The following ADAM11 variants were observed in gnomAD, a reference collection of about 807,000 sequenced individuals.
ADAM11 encodes disintegrin and metalloproteinase domain-containing protein 11.
A neutral mutation model predicts 119.1 loss-of-function variants in ADAM11; 49 were observed. The observed-to-expected ratio is 0.41, with a 90% CI of 0.33 to 0.52. The LOEUF (loss-of-function observed/expected upper bound fraction) is 0.52, where lower values mean the gene tolerates loss of function less well. Ranked by LOEUF, ADAM11 falls within the 20% of genes least tolerant of loss-of-function variation. ADAM11 has a pLI of 0.20. For missense variants in ADAM11, 777 were observed against 1,047.5 expected (o/e 0.74, Z 3.56); for synonymous variants, 364 against 408.0 (o/e 0.89, Z 1.30).
At chr17:44,766,197 G>A (rs1183332040) in intron 2 of ADAM11, among the ~76,000 whole-genome samples, 1 of 152,180 alleles carries the variant, frequency 6.6e-6, no homozygotes, top group African/African-American at 2.4e-5. Context: ...AGGGTGGGGA[G>A]GAGAGGGAGG....
At chr17:44,767,797 A>G (rs1245106664) in intron 2 of ADAM11, among the ~76,000 whole-genome samples, 5 of 152,240 alleles carry the variant, frequency 3.3e-5, no homozygotes, top group African/African-American at 1.2e-4. Context: ...CTCTTAAGGT[A>G]TCTGGCCTTC....
chr17:44,775,746 T>G lies in ADAM11; in HGVS notation c.1485+70T>G, dbSNP rs2145238399. On this transcript the variant is annotated intron_variant, in intron 17 of 26. Coordinates refer to ENST00000200557, the MANE Select transcript of ADAM11 (RefSeq NM_002390.6). The surrounding 1 kb of genome is among the most constrained non-coding windows in gnomAD (Gnocchi z 7.5). ...CGATTGGAGGCCTTCATATAAGGGG[T>G]GGGAGCTAGGGAGGGAAGCGGAGCC... 4.2e-6 allele frequency: 6 copies of G among 1,440,054 alleles called. No homozygotes were observed. Among genetic ancestry groups the G allele is most frequent in the Non-Finnish European group, 5.6e-6 (6 of 1,068,180 alleles). The allele number at this position is 1,440,054 out of a possible 1,614,324, so 89.2% of individuals were successfully genotyped here.
chr17:44,760,512 T>C (rs777689278), intron 2 of ADAM11, among the ~76,000 whole-genome samples: 20 of 152,190 alleles, frequency 1.3e-4, no homozygotes, highest in Non-Finnish European at 2.8e-4. Context: ...AGGTTAGGCA[T>C]GAAGGAGATT....
At chr17:44,779,038 G>C (rs1453407267) in intron 25 of ADAM11, among the ~76,000 whole-genome samples, 184 bp from the exon 26 acceptor site, 2 of 152,176 alleles carry the variant, frequency 1.3e-5, no homozygotes, top group African/African-American at 2.4e-5. Flanking sequence ...AGCTGGAACC[G>C]GGACGCATTT....
In ADAM11 at chr17:44,776,212, G is replaced by A; in HGVS notation, c.1566+5G>A. On this transcript the variant is annotated splice_donor_5th_base_variant and intron_variant, in intron 18 of 26. Coordinates refer to ENST00000200557, the MANE Select transcript of ADAM11 (RefSeq NM_002390.6). This position sits in a 1 kb window ranked among gnomAD's most constrained non-coding sequence, Gnocchi z 5.2. Reference sequence around the variant, plus strand: ...TGCACCGGGGACTCTAGCCAGGTCCGCCCGGCCCCGCCGTCTTGTGGAGCC... The same window carrying A: ...TGCACCGGGGACTCTAGCCAGGTCCACCCGGCCCCGCCGTCTTGTGGAGCC... The A allele has an allele frequency of 6.2e-7, 1 of 1,613,022 alleles. No homozygotes were observed. The highest frequency in any genetic ancestry group is 1.3e-5 in the African/African-American group (1 of 74,972).
intron 2 of ADAM11, among the ~76,000 whole-genome samples, chr17:44,761,187 G>A (rs1333963275): frequency 1.3e-5 from 2 of 152,050 alleles, no homozygotes; most frequent in African/African-American, 4.8e-5. Context: ...GTTACACTGT[G>A]GGGGAACTGA....
chr17:44,770,561 G>A (rs539409950), intron 4 of ADAM11, among the ~76,000 whole-genome samples: 2 of 151,730 alleles, frequency 1.3e-5, no homozygotes, highest in African/African-American at 4.8e-5. Flanking sequence ...GAGCTGGAGC[G>A]GGAGGGTGCC....
chr17:44,774,645 A>G, intron 13 of ADAM11, 53 bp from the exon 14 acceptor site: 2 of 1,598,288 alleles, frequency 1.3e-6, no homozygotes, highest in Non-Finnish European at 1.7e-6. Flanking sequence ...GGAGGGTGAC[A>G]GTGGGAGGGG....
At chr17:44,771,964 C>A in intron 6 of ADAM11, 133 bp downstream of exon 6, 2 of 1,063,730 alleles carry the variant, frequency 1.9e-6, no homozygotes, top group South Asian at 1.6e-5. Flanking sequence ...CTTCAGTGAC[C>A]CCAGCTCTGG....
In ADAM11 at chr17:44,769,706, C is replaced by A. The variant is rs2049493494; in HGVS notation, c.238-12C>A. The A allele has an allele frequency of 1.7e-6, 2 of 1,205,708 alleles. No homozygotes were observed. The highest frequency in any genetic ancestry group is 2.5e-6 in the Non-Finnish European group (2 of 807,124). The allele number at this position is 1,205,708 out of a possible 1,614,324, so 74.7% of individuals were successfully genotyped here. A position where few individuals can be genotyped will look rare whatever the true frequency, so the allele number is the denominator to read the frequency against. On this transcript the variant is annotated splice_polypyrimidine_tract_variant and intron_variant, in intron 2 of 26. Transcript: ENST00000200557. ...CCTGGGTTGACTCCCCCTCTGCCCT[C>A]CCCCCACCCAGCCTGTCCATCTGGC...
Position 44,775,090 on chromosome 17 carries a change from C to A in ADAM11, c.1221-122C>A. On this transcript the variant is annotated intron_variant, in intron 14 of 26. Coordinates refer to ENST00000200557, the MANE Select transcript of ADAM11 (RefSeq NM_002390.6). This position sits in a 1 kb window ranked among gnomAD's most constrained non-coding sequence, Gnocchi z 7.5. Reference sequence around the variant, plus strand: ...GGAGGATTCTGGTGCAATCCCGGGGCAGATCCTCCGCCTCCTCGCGATGGT... The same window carrying A: ...GGAGGATTCTGGTGCAATCCCGGGGAAGATCCTCCGCCTCCTCGCGATGGT... The A allele has an allele frequency of 1.1e-6, 1 of 875,748 alleles. No homozygotes were observed. The highest frequency in any genetic ancestry group is 1.8e-6 in the Non-Finnish European group (1 of 547,956). 54.2% of individuals were successfully genotyped at this position (875,748 alleles called of 1,614,324 possible). A position where few individuals can be genotyped will look rare whatever the true frequency, so the allele number is the denominator to read the frequency against.
At chr17:44,764,509 G>T (rs540629801) in intron 2 of ADAM11, among the ~76,000 whole-genome samples, 1 of 152,302 alleles carries the variant, frequency 6.6e-6, no homozygotes, top group African/African-American at 2.4e-5. Flanking sequence ...AGAAGCCAGG[G>T]CTAGGATTTT....
Position 44,776,835 on chromosome 17 carries a change from CTCT to C in ADAM11, c.1617+42_1617+44del, listed in dbSNP as rs1325117951. 6.2e-7 allele frequency: 1 copy of C among 1,614,024 alleles called. No individual in the cohort carries two copies. The highest frequency in any genetic ancestry group is 1.1e-5 in the South Asian group (1 of 91,076). On this transcript the variant is annotated intron_variant, in intron 19 of 26. Transcript: ENST00000200557. This position sits in a 1 kb window ranked among gnomAD's most constrained non-coding sequence, Gnocchi z 5.2. The stretch of plus-strand genomic sequence containing the variant: ...CCCTGAGCCTGGGATTCAGGGCAGT[CTCT>C]TGTCTCCACTCTGACCACTCAGCAT...
At position 44,769,751 on chromosome 17, in the gene ADAM11, C is replaced by G; in HGVS notation, c.271C>G (p.Pro91Ala). The part of the protein sequence containing the change: ...VHLAQVSFVI[P>A]AFNSNFTLDL... ...TCTGGCCCAGGTGAGTTTCGTCATCCCAGCCTTCAACTCAAACTTCACCCT... is the reference window on the plus strand; with the variant it reads ...TCTGGCCCAGGTGAGTTTCGTCATCGCAGCCTTCAACTCAAACTTCACCCT... The change falls in exon 3 of 27, where the codon CCA becomes GCA. Residue 91 changes from proline to alanine, a missense_variant. Pro to Ala is a conservative substitution (Grantham distance 27). Coordinates refer to ENST00000200557, the MANE Select transcript of ADAM11 (RefSeq NM_002390.6). 6.2e-7 allele frequency: 1 copy of G among 1,614,154 alleles called. No individual in the cohort carries two copies. The highest frequency in any genetic ancestry group is 8.5e-7 in the Non-Finnish European group (1 of 1,180,014).
At chr17:44,769,273 C>A (rs1272135292) in intron 2 of ADAM11, among the ~76,000 whole-genome samples, 1 of 152,194 alleles carries the variant, frequency 6.6e-6, no homozygotes, top group Non-Finnish European at 1.5e-5. Context: ...GGTAGGGGGA[C>A]AGGCAGCGAG....
At chr17:44,766,291 G>A (rs958312812) in intron 2 of ADAM11, among the ~76,000 whole-genome samples, 1 of 152,192 alleles carries the variant, frequency 6.6e-6, no homozygotes, top group Non-Finnish European at 1.5e-5. Context: ...CGAATTTCCT[G>A]GAGAATTTGA....
In ADAM11 at chr17:44,774,226, G is replaced by A. The variant is rs374373675; in HGVS notation, c.993-69G>A. ...GACTCTAGTGTGAGGGGCTCCCCAA[G>A]GCCCCACCACCACCCGGGGAGCCAC... On this transcript the variant is annotated intron_variant, in intron 11 of 26. Coordinates refer to ENST00000200557, the MANE Select transcript of ADAM11 (RefSeq NM_002390.6). 67 of 1,060,414 alleles carry A rather than the reference G, an allele frequency of 6.3e-5. No individual in the cohort carries two copies. In the African/African-American group the frequency reaches 1.0e-3, roughly 16 times the overall value. 65.7% of individuals were successfully genotyped at this position (1,060,414 alleles called of 1,614,324 possible).
In ADAM11 at chr17:44,777,045, GC is replaced by G; in HGVS notation, c.1681+88del. The G allele has an allele frequency of 6.4e-7, 1 of 1,555,204 alleles. No individual in the cohort carries two copies. The highest frequency in any genetic ancestry group is 1.2e-5 in the South Asian group (1 of 84,766). On this transcript the variant is annotated intron_variant, in intron 20 of 26. Coordinates refer to ENST00000200557, the MANE Select transcript of ADAM11 (RefSeq NM_002390.6). This position sits in a 1 kb window ranked among gnomAD's most constrained non-coding sequence, Gnocchi z 5.1. Reference sequence around the variant, plus strand: ...GGGAGAGTGGGTTCCAGCTGAACAGGCCCCCAAGTGTGTAGCTCCCCAGGAT... The same window carrying G: ...GGGAGAGTGGGTTCCAGCTGAACAGGCCCCAAGTGTGTAGCTCCCCAGGAT...
intron 2 of ADAM11, 67 bp from the exon 3 acceptor site, chr17:44,769,651 G>A (rs1242280112): frequency 2.8e-6 from 3 of 1,089,508 alleles, no homozygotes; most frequent in Non-Finnish European, 4.2e-6. Flanking sequence ...GTTGCTCCCG[G>A]GATCCCCCCG....
Sources: allele counts gnomAD v4.1 joint callset (sites outside exome capture counted in the v4.1 genomes callset), GRCh38; gene constraint gnomAD v4.1.1; non-coding constraint Gnocchi (gnomAD v3.1); transcripts MANE v1.5; gene names NCBI Gene and HGNC (gene_info 2026-07-23, HGNC 2026-07-21).